SLCO1B1: variants seen among roughly 807,000 people sequenced by gnomAD.
SLCO1B1 encodes the protein solute carrier organic anion transporter family member 1B1.
Under a neutral mutation model 70.1 loss-of-function variants are expected in SLCO1B1, and 81 were observed. The ratio of observed to expected loss-of-function variants is 1.16; its 90% CI spans 0.97 to 1.39. The LOEUF is 1.39. Among genes scored for constraint, SLCO1B1 ranks in the 40% most tolerant of loss-of-function variants. The pLI is 0.00. For synonymous variants in SLCO1B1, 283 were observed against 271.5 expected, an observed-to-expected ratio of 1.04 and a Z score of -0.42; for missense variants, 895 against 799.6, an observed-to-expected ratio of 1.12 and a Z score of -1.44.
intron 1 of SLCO1B1, among the ~76,000 whole-genome samples, chr12:21,139,545 A>G (rs1249564290): frequency 2.0e-5 from 3 of 152,112 alleles, no homozygotes; most frequent in Admixed American, 1.3e-4. Context: ...ATATATATTT[A>G]TATTATTCAG....
chr12:21,189,860 T>C (rs190596610), intron 7 of SLCO1B1, among the ~76,000 whole-genome samples: 55 of 152,346 alleles, frequency 3.6e-4, no homozygotes, highest in African/African-American at 1.3e-3. Context: ...GTTACTTTTG[T>C]AGTGGAAACA....
At chr12:21,140,382 A>G (rs1940291811) in intron 1 of SLCO1B1, among the ~76,000 whole-genome samples, 1 of 152,060 alleles carries the variant, frequency 6.6e-6, no homozygotes, top group East Asian at 1.9e-4. Flanking sequence ...TGAAGAACAC[A>G]TTATATTCTA....
chr12:21,172,650 A>C lies in SLCO1B1; in HGVS notation c.85A>C (p.Met29Leu). 1 of 1,613,582 alleles carries C rather than the reference A, an allele frequency of 6.2e-7. No homozygotes were observed. Among genetic ancestry groups the C allele is most frequent in the South Asian group, 1.1e-5 (1 of 91,074 alleles). Residue 29 changes from methionine (M) to leucine (L), a missense_variant and splice_region_variant, in exon 3 of 15, where the codon ATG (methionine) becomes CTG (leucine). Physicochemically the swap from Met to Leu is conservative, Grantham distance 15 (BLOSUM62 2). Transcript: ENST00000256958. ...CCCCTTTCCTTCTGATTTTTCTTAGATGTTCTTGGCAGCTCTGTCACTCAG... is the reference window on the plus strand; with the variant it reads ...CCCCTTTCCTTCTGATTTTTCTTAGCTGTTCTTGGCAGCTCTGTCACTCAG... ...KKTRYCNGLK[M>L]FLAALSLSFI...
At chr12:21,134,472 T>C (rs1341984679) in intron 1 of SLCO1B1, among the ~76,000 whole-genome samples, 1 of 152,180 alleles carries the variant, frequency 6.6e-6, no homozygotes, top group African/African-American at 2.4e-5. Context: ...CTGGACTTTT[T>C]TTTGTTGGTA....
intron 14 of SLCO1B1, among the ~76,000 whole-genome samples, chr12:21,229,674 A>T (rs768948427): frequency 6.6e-6 from 1 of 152,170 alleles, no homozygotes; most frequent in Non-Finnish European, 1.5e-5. Context: ...TTGATGATAT[A>T]TATGAAGATG....
chr12:21,188,611 GT>G (rs1050105451), intron 7 of SLCO1B1, among the ~76,000 whole-genome samples: 1 of 152,014 alleles, frequency 6.6e-6, no homozygotes, highest in African/African-American at 2.4e-5. Context: ...CTCATGAATA[GT>G]TTAACACCAT....
chr12:21,208,392 C>A (rs1352302821), intron 11 of SLCO1B1, among the ~76,000 whole-genome samples: 1 of 152,038 alleles, frequency 6.6e-6, no homozygotes, highest in Non-Finnish European at 1.5e-5. Context: ...TGAGTACTTT[C>A]CCCATTGCAT....
intron 7 of SLCO1B1, among the ~76,000 whole-genome samples, chr12:21,180,687 G>C (rs543938526): frequency 6.6e-6 from 1 of 152,198 alleles, no homozygotes; most frequent in South Asian, 2.1e-4. Flanking sequence ...GAAAATACTT[G>C]ATAAAATGTT....
At chr12:21,181,480 AC>A (rs1343237926) in intron 7 of SLCO1B1, among the ~76,000 whole-genome samples, 1 of 152,244 alleles carries the variant, frequency 6.6e-6, no homozygotes, top group East Asian at 1.9e-4. Context: ...TCAAATTTAA[AC>A]CCAGATCTGT....
intron 1 of SLCO1B1, among the ~76,000 whole-genome samples, chr12:21,132,385 G>T (rs1030439563): frequency 2.0e-5 from 3 of 152,152 alleles, no homozygotes; most frequent in Admixed American, 6.6e-5. Context: ...GGTATTTCCA[G>T]TTCTAGATCC....
Position 21,224,802 on chromosome 12 carries a change from C to A in SLCO1B1, c.1828C>A (p.Arg610Ser). 2 of 1,608,820 alleles carry A rather than the reference C, an allele frequency of 1.2e-6. No individual in the cohort carries two copies. The highest frequency in any genetic ancestry group is 1.7e-6 in the Non-Finnish European group (2 of 1,176,426). ...GTGGTCCACCAACAACTGTGGCACACGTGGGTCATGTAGGACATATAATTC... is the reference window on the plus strand; with the variant it reads ...GTGGTCCACCAACAACTGTGGCACAAGTGGGTCATGTAGGACATATAATTC... The part of the protein sequence containing the change: ...IKWSTNNCGT[R>S]GSCRTYNSTS... Residue 610 changes from arginine to serine, a missense_variant, in exon 14 of 15, where the codon CGT becomes AGT. Physicochemically the swap from Arg to Ser is moderately radical, Grantham distance 110 (BLOSUM62 -1). Coordinates refer to ENST00000256958, the MANE Select transcript of SLCO1B1 (RefSeq NM_006446.5).
At chr12:21,210,845 G>C (rs1334630250) in intron 11 of SLCO1B1, among the ~76,000 whole-genome samples, 4 of 151,844 alleles carry the variant, frequency 2.6e-5, no homozygotes, top group Middle Eastern at 3.2e-3. Context: ...GTTCACTCAT[G>C]ATTTGGCTCT....
At chr12:21,167,920 G>A (rs1206837764) in intron 2 of SLCO1B1, among the ~76,000 whole-genome samples, 2 of 150,326 alleles carry the variant, frequency 1.3e-5, no homozygotes, top group African/African-American at 2.4e-5. Flanking sequence ...GGGTTCAAGC[G>A]ATTCTCCTGC....
intron 14 of SLCO1B1, among the ~76,000 whole-genome samples, chr12:21,234,980 G>A (rs541161174): frequency 1.3e-5 from 2 of 149,398 alleles, no homozygotes; most frequent in East Asian, 3.9e-4. Flanking sequence ...TTTAGAGAAT[G>A]TTTTATGAAC....
rs180902872 is a variant in SLCO1B1, at chr12:21,165,301, G to A, written c.85-7349G>A. 2.0e-3 allele frequency among the ~76,000 whole-genome samples: 303 copies of A among 152,134 alleles called. 1 individual carries two copies. The highest frequency in any genetic ancestry group is 6.5e-3 in the African/African-American group (271 of 41,498). On this transcript the variant is annotated intron_variant, in intron 2 of 14. Coordinates refer to ENST00000256958, the MANE Select transcript of SLCO1B1 (RefSeq NM_006446.5). ...TCTGGTTTTTATTTAAATAAATTTA[G>A]AACATATAGCTGGAGACGGTAGCTC...
At chr12:21,157,242 C>T (rs546544663) in intron 2 of SLCO1B1, among the ~76,000 whole-genome samples, 2 of 152,138 alleles carry the variant, frequency 1.3e-5, no homozygotes, top group Admixed American at 1.3e-4. Flanking sequence ...TTTATTGTAT[C>T]ACATACGATC....
intron 1 of SLCO1B1, 144 bp from the exon 2 acceptor site, chr12:21,141,370 A>T (rs910047863): frequency 1.3e-5 from 5 of 389,216 alleles, no homozygotes; most frequent in Non-Finnish European, 2.4e-5. Flanking sequence ...TCCAGCATTG[A>T]CCTAGCAGAG....
At position 21,216,405 on chromosome 12, in the gene SLCO1B1, T is replaced by G. The variant is rs140879059; in HGVS notation, c.1498-714T>G. ...ATTCAACGTGAGGTTCCCTTAAACT[T>G]TAGCCTAGATTTAGAACAGAATTTA... On this transcript the variant is annotated intron_variant, in intron 11 of 14. Coordinates refer to ENST00000256958, the MANE Select transcript of SLCO1B1 (RefSeq NM_006446.5). 3.1e-3 allele frequency among the ~76,000 whole-genome samples: 475 copies of G among 152,224 alleles called. 2 individuals are homozygous for G. The highest frequency in any genetic ancestry group is 0.011 in the African/African-American group (455 of 41,558).
At chr12:21,227,755 T>G (rs1394613246) in intron 14 of SLCO1B1, among the ~76,000 whole-genome samples, 1 of 152,120 alleles carries the variant, frequency 6.6e-6, no homozygotes, top group Non-Finnish European at 1.5e-5. Context: ...CAAGTATTAA[T>G]GTAACATTTT....
Sources: gnomAD v4.1 joint callset for allele counts (sites outside exome capture counted in the v4.1 genomes callset) on GRCh38, gnomAD v4.1.1 for gene constraint, MANE v1.5 for transcripts, NCBI Gene and HGNC (gene_info 2026-07-23, HGNC 2026-07-21) for gene names.